The following RAD51D variants were observed in gnomAD, a reference collection of about 807,000 sequenced individuals.
The protein encoded by RAD51D is RAD51 paralog D.
RAD51D carries 38 observed loss-of-function variants against 44.1 expected under a neutral mutation model. The ratio of observed to expected loss-of-function variants is 0.86; its 90% CI spans 0.67 to 1.13. The LOEUF (loss-of-function observed/expected upper bound fraction) is 1.13. Ranked by LOEUF, RAD51D falls within the 50% of genes most tolerant of loss-of-function variation. RAD51D has a pLI of 0.00. For missense variants in RAD51D, 390 were observed against 414.0 expected, an observed-to-expected ratio of 0.94 and a Z score of 0.50; for synonymous variants, 141 against 166.6, an observed-to-expected ratio of 0.85 and a Z score of 1.18.
chr17:35,113,765 C>T (rs1302368255), intron 3 of RAD51D, among the ~76,000 whole-genome samples: 3 of 152,184 alleles, frequency 2.0e-5, no homozygotes, highest in Non-Finnish European at 4.4e-5. Flanking sequence ...CCAGTGTGGT[C>T]CCCAGACCAG....
chr17:35,119,145 TC>T lies in RAD51D; in HGVS notation c.109del (p.Glu37LysfsTer3), dbSNP rs2091788666. On this transcript the variant is annotated frameshift_variant, in exon 2 of 10. Transcript: ENST00000345365. LOFTEE classifies it high-confidence loss of function. ...TVVDLVSADL[E>X]EVAQKCGLSY... ...CAAGCCACATTTCTGAGCTACCTCT[TC>T]CAGGTCTGCAGAAACCAGGTCCACC... is the stretch of plus-strand genomic sequence containing the variant. 1 of 1,614,020 alleles carries T rather than the reference TC, an allele frequency of 6.2e-7. No homozygotes were observed. Among genetic ancestry groups the T allele is most frequent in the Non-Finnish European group, 8.5e-7 (1 of 1,179,876 alleles).
rs2091518268 is a variant in RAD51D at position 35,100,213 on chromosome 17, T to C, written c.*740A>G. 1.9e-6 allele frequency: 1 copy of C among 532,430 alleles called. No individual in the cohort carries two copies. Among genetic ancestry groups the C allele is most frequent in the Admixed American group, 2.2e-5 (1 of 44,974 alleles). 33.0% of individuals were successfully genotyped at this position (532,430 alleles called of 1,614,324 possible). On this transcript the variant is annotated 3_prime_UTR_variant, in exon 10 of 10. Transcript: ENST00000345365. ...GGTCATACCCTCCCTTTCTGTTAAATTATATCCCTGGAACTGCAGCGAGCC... is the reference window on the plus strand; with the variant it reads ...GGTCATACCCTCCCTTTCTGTTAAACTATATCCCTGGAACTGCAGCGAGCC...
At position 35,101,352 on chromosome 17, in the gene RAD51D, A is replaced by T. The variant is rs778847822; in HGVS notation, c.752T>A (p.Ile251Lys). ...LGMAVVVTNH[I>K]TRDRDSGRLK... Reference sequence around the variant, plus strand: ...CCTCCCGCTGTCCCTGTCTCGAGTTATGTGGTTGGTCACCTGCAGCAGAAA... The same window carrying T: ...CCTCCCGCTGTCCCTGTCTCGAGTTTTGTGGTTGGTCACCTGCAGCAGAAA... The change falls in exon 9 of 10, where the codon ATA becomes AAA. Residue 251 changes from isoleucine (I) to lysine (K), a missense_variant. Transcript: ENST00000345365. 2.5e-6 allele frequency: 4 copies of T among 1,613,874 alleles called. No homozygotes were observed. The highest frequency in any genetic ancestry group is 3.4e-6 in the Non-Finnish European group (4 of 1,180,006).
chr17:35,118,632 C>A lies in RAD51D; in HGVS notation c.145-13G>T, dbSNP rs760867838. The A allele has an allele frequency of 2.2e-5, 36 of 1,606,214 alleles. No homozygotes were observed. Among genetic ancestry groups the A allele is most frequent in the Middle Eastern group, 1.6e-4 (1 of 6,064 alleles). On this transcript the variant is annotated splice_polypyrimidine_tract_variant and intron_variant, in intron 2 of 9. Coordinates refer to ENST00000345365, the MANE Select transcript of RAD51D (RefSeq NM_002878.4). ...GGGCAACCAGGGCCTGCCAAAGGGCCCCAGACTGCTCAGCAACAAATTGCC... is the reference window on the plus strand; with the variant it reads ...GGGCAACCAGGGCCTGCCAAAGGGCACCAGACTGCTCAGCAACAAATTGCC...
At chr17:35,119,280 G>A in intron 1 of RAD51D, 108 bp from the exon 2 acceptor site, 7 of 1,084,266 alleles carry the variant, frequency 6.5e-6, no homozygotes, top group Non-Finnish European at 7.0e-6. Context: ...CCGGCAGGCC[G>A]TCTCAGGAGG....
At chr17:35,107,525 G>A in intron 3 of RAD51D, 78 bp from the exon 4 acceptor site, 1 of 1,176,434 alleles carries the variant, frequency 8.5e-7, no homozygotes, top group Non-Finnish European at 1.3e-6. Context: ...AGAAAAGTAA[G>A]ACATTTCTTT....
At chr17:35,110,750 T>C (rs190726970) in intron 3 of RAD51D, among the ~76,000 whole-genome samples, 10 of 152,162 alleles carry the variant, frequency 6.6e-5, no homozygotes, top group Admixed American at 2.6e-4. Flanking sequence ...GGCGGGAGCA[T>C]TGCTTGAGCC....
At chr17:35,115,562 C>T (rs2091726107) in intron 3 of RAD51D, among the ~76,000 whole-genome samples, 1 of 152,008 alleles carries the variant, frequency 6.6e-6, no homozygotes, top group Admixed American at 6.6e-5. Context: ...ATTAACTGTC[C>T]ACAGCACACG....
intron 6 of RAD51D, among the ~76,000 whole-genome samples, chr17:35,105,752 G>A (rs28363277): frequency 0.071 from 10,800 of 152,120 alleles, 534 homozygotes; most frequent in South Asian, 0.13. Context: ...GGGATGGTGG[G>A]CCCAGGTCTT....
At position 35,099,451 on chromosome 17, in the gene RAD51D, C is replaced by A; in HGVS notation, c.*1502G>T. 5.1e-6 allele frequency: 1 copy of A among 197,760 alleles called. No individual in the cohort carries two copies. The allele number at this position is 197,760 out of a possible 1,614,324, so 12.3% of individuals were successfully genotyped here. ...TTCCAGCTTCATGTATTGCATCTTACTGTGGTTGCAGGAATGTGCCAATCA... is the reference window on the plus strand; with the variant it reads ...TTCCAGCTTCATGTATTGCATCTTAATGTGGTTGCAGGAATGTGCCAATCA... On this transcript the variant is annotated 3_prime_UTR_variant, in exon 10 of 10. Transcript: ENST00000345365.
Position 35,099,932 on chromosome 17 carries a change from CA to C in RAD51D, c.*1020del, listed in dbSNP as rs2091514972. On this transcript the variant is annotated 3_prime_UTR_variant, in exon 10 of 10. Transcript: ENST00000345365. ...ATACACTAGGGCACTAGCTGTGGTA[CA>C]GCTGGCAGGAAGAGAGGTGTAATTA... is the stretch of plus-strand genomic sequence containing the variant. 1.9e-6 allele frequency: 1 copy of C among 524,262 alleles called. No individual in the cohort carries two copies. Among genetic ancestry groups the C allele is most frequent in the Non-Finnish European group, 3.7e-6 (1 of 270,006 alleles). The allele number at this position is 524,262 out of a possible 1,614,324, so 32.5% of individuals were successfully genotyped here.
rs2091512415 is a variant in RAD51D at position 35,099,685 on chromosome 17, C to T, written c.*1268G>A. On this transcript the variant is annotated 3_prime_UTR_variant, in exon 10 of 10. Transcript: ENST00000345365. ...ATTACTTTCTGAGTGTAACTCGGACCCTCCTTTCCTGCAGCCAAGACATAA... is the reference window on the plus strand; with the variant it reads ...ATTACTTTCTGAGTGTAACTCGGACTCTCCTTTCCTGCAGCCAAGACATAA... 5.2e-6 allele frequency: 2 copies of T among 384,448 alleles called. No individual in the cohort carries two copies. Among genetic ancestry groups the T allele is most frequent in the Admixed American group, 3.7e-5 (1 of 27,352 alleles). 23.8% of individuals were successfully genotyped at this position (384,448 alleles called of 1,614,324 possible). A position where few individuals can be genotyped will look rare whatever the true frequency, so the allele number is the denominator to read the frequency against.
At chr17:35,108,047 G>A (rs2091630864) in intron 3 of RAD51D, among the ~76,000 whole-genome samples, 1 of 151,790 alleles carries the variant, frequency 6.6e-6, no homozygotes. Flanking sequence ...ACCACGCCCA[G>A]CTGTTTGTGG....
intron 3 of RAD51D, 42 bp downstream of exon 3, chr17:35,118,459 T>C (rs776316890): frequency 1.3e-6 from 2 of 1,518,806 alleles, no homozygotes; most frequent in Middle Eastern, 1.7e-4. Context: ...GGAGGCCCCA[T>C]CCTCCTGCCT....
At chr17:35,118,382 C>T (rs2091773432) in intron 3 of RAD51D, 119 bp downstream of exon 3, 1 of 821,628 alleles carries the variant, frequency 1.2e-6, no homozygotes, top group Non-Finnish European at 2.1e-6. Flanking sequence ...CCTTTCCTTC[C>T]CATCCATTAT....
At chr17:35,113,834 A>G (rs373338905) in intron 3 of RAD51D, among the ~76,000 whole-genome samples, 64 of 152,210 alleles carry the variant, frequency 4.2e-4, no homozygotes, top group African/African-American at 1.5e-3. Flanking sequence ...CCGCTCCCCA[A>G]GACCTACTGA....
At position 35,096,771 on chromosome 17, in the gene RAD51D, G is replaced by C. The variant is rs939208280; in HGVS notation, c.*4182C>G. 6.6e-6 allele frequency: 1 copy of C among 152,230 alleles called. No homozygotes were observed. The highest frequency in any genetic ancestry group is 2.4e-5 in the African/African-American group (1 of 41,442). The allele number at this position is 152,230 out of a possible 1,614,324, so 9.4% of individuals were successfully genotyped here. A position where few individuals can be genotyped will look rare whatever the true frequency, so the allele number is the denominator to read the frequency against. ...AGCTACTTGGGAGACTGAAGTGGGAGGATCACTTGAGCTTGGGAGGTAGAG... is the reference window on the plus strand; with the variant it reads ...AGCTACTTGGGAGACTGAAGTGGGACGATCACTTGAGCTTGGGAGGTAGAG... On this transcript the variant is annotated 3_prime_UTR_variant, in exon 10 of 10. Coordinates refer to ENST00000345365, the MANE Select transcript of RAD51D (RefSeq NM_002878.4).
At chr17:35,101,122 T>G in intron 9 of RAD51D, 79 bp downstream of exon 9, 10 of 1,610,642 alleles carry the variant, frequency 6.2e-6, no homozygotes, top group Non-Finnish European at 8.5e-6. Flanking sequence ...TCTAAAGAGT[T>G]CTTCTCGAAG....
intron 3 of RAD51D, among the ~76,000 whole-genome samples, chr17:35,116,010 A>AAAGG (rs2091741239): frequency 1.3e-5 from 2 of 150,772 alleles, no homozygotes; most frequent in Non-Finnish European, 3.0e-5. Flanking sequence ...AGAAAGAAAG[A>AAAGG]AAGGCTAGAA....
Sources: allele counts gnomAD v4.1 joint callset (sites outside exome capture counted in the v4.1 genomes callset), GRCh38; gene constraint gnomAD v4.1.1; transcripts MANE v1.5; gene names NCBI Gene and HGNC (gene_info 2026-07-23, HGNC 2026-07-21).